Variants in TERF1 observed in about 807,000 individuals in gnomAD.
TERF1 encodes telomeric repeat-binding factor 1.
A neutral mutation model predicts 55.1 loss-of-function variants in TERF1; 20 were observed. That is an observed-to-expected ratio of 0.36 (90% CI 0.26 to 0.53). TERF1 has a LOEUF of 0.53. TERF1 is among the 20% of genes least tolerant of loss of function. TERF1 has a pLI of 0.91. For synonymous variants in TERF1, 168 were observed against 181.2 expected (o/e 0.93, Z 0.59); for missense variants, 439 against 535.7 (o/e 0.82, Z 1.78).
Position 73,009,341 on chromosome 8 carries a change from G to A in TERF1, c.319+136G>A, listed in dbSNP as rs1380618908. The A allele has an allele frequency of 9.9e-6, 8 of 804,516 alleles. No homozygotes were observed. The African/African-American group carries it at 1.1e-4, about 11-fold the overall frequency. The allele number at this position is 804,516 out of a possible 1,614,324, so 49.8% of individuals were successfully genotyped here. A position where few individuals can be genotyped will look rare whatever the true frequency, so the allele number is the denominator to read the frequency against. On this transcript the variant is annotated intron_variant, in intron 1 of 9. Transcript: ENST00000276603. ...CGATTAGCTGGGAGTCCGAGGCTCCGGGCTGAACTTTGTTCGAATCCCGGT... is the reference window on the plus strand; with the variant it reads ...CGATTAGCTGGGAGTCCGAGGCTCCAGGCTGAACTTTGTTCGAATCCCGGT...
At position 73,047,782 on chromosome 8, in the gene TERF1, A is replaced by G. The variant is rs1408502210; in HGVS notation, c.*1645A>G. The G allele has an allele frequency of 1.3e-5, 2 of 152,234 alleles. No homozygotes were observed. The allele number at this position is 152,234 out of a possible 1,614,324, so 9.4% of individuals were successfully genotyped here. A position where few individuals can be genotyped will look rare whatever the true frequency, so the allele number is the denominator to read the frequency against. Reference sequence around the variant, plus strand: ...TGACTCCTTTATCTTGTTACACCACAAGATACTGCACTATTTATTGGAGAT... The same window carrying G: ...TGACTCCTTTATCTTGTTACACCACGAGATACTGCACTATTTATTGGAGAT... On this transcript the variant is annotated 3_prime_UTR_variant, in exon 10 of 10. Coordinates refer to ENST00000276603, the MANE Select transcript of TERF1 (RefSeq NM_017489.3).
chr8:73,033,890 A>G (rs1809402662), intron 8 of TERF1, among the ~76,000 whole-genome samples: 1 of 151,836 alleles, frequency 6.6e-6, no homozygotes, highest in Admixed American at 6.6e-5. Flanking sequence ...GTACCCAGGT[A>G]CCCCCTCTTT....
intron 2 of TERF1, among the ~76,000 whole-genome samples, chr8:73,017,166 G>A (rs1808547058): frequency 6.6e-6 from 1 of 152,156 alleles, no homozygotes; most frequent in Admixed American, 6.5e-5. Flanking sequence ...AAGAAGGAAG[G>A]CAGATAAGTG....
intron 7 of TERF1, 111 bp from the exon 8 acceptor site, chr8:73,031,931 C>A (rs1809303285): frequency 1.5e-6 from 1 of 659,088 alleles, no homozygotes; most frequent in South Asian, 2.3e-5. Context: ...AGGAAGTAGG[C>A]CAAAGTATTA....
chr8:73,009,551 G>C, intron 1 of TERF1: 1 of 239,010 alleles, frequency 4.2e-6, no homozygotes, highest in Non-Finnish European at 8.2e-6. Context: ...ATATTCAGCA[G>C]TCCCTGTGGC....
chr8:73,024,590 T>C lies in TERF1; in HGVS notation c.625-232T>C, dbSNP rs148480299. On this transcript the variant is annotated intron_variant, in intron 4 of 9. Coordinates refer to ENST00000276603, the MANE Select transcript of TERF1 (RefSeq NM_017489.3). ...GGGTAATGGATACTCTGGTTTATAA[T>C]ACATATCTTTTTGAATCTGTCTAAA... Among the ~76,000 whole-genome samples, 454 of 152,318 alleles carry C rather than the reference T, an allele frequency of 3.0e-3. 3 individuals carry two copies. The highest frequency in any genetic ancestry group is 0.01 in the African/African-American group (431 of 41,558).
intron 9 of TERF1, among the ~76,000 whole-genome samples, chr8:73,039,891 T>C (rs943210336): frequency 6.6e-6 from 1 of 151,238 alleles, no homozygotes; most frequent in African/African-American, 2.4e-5. Context: ...GCTCGAGTGA[T>C]CCTCCCACCT....
intron 8 of TERF1, among the ~76,000 whole-genome samples, chr8:73,036,823 T>C (rs908571955): frequency 7.2e-6 from 1 of 138,958 alleles, no homozygotes; most frequent in Non-Finnish European, 1.6e-5. Context: ...TGTAGTTATA[T>C]ATAAATATAT....
chr8:73,023,352 A>G (rs1168400848), intron 4 of TERF1, among the ~76,000 whole-genome samples: 1 of 152,138 alleles, frequency 6.6e-6, no homozygotes, highest in Non-Finnish European at 1.5e-5. Flanking sequence ...GTTGGATTTT[A>G]ATTTGTTTCC....
At chr8:73,032,813 C>T (rs1157091985) in intron 8 of TERF1, among the ~76,000 whole-genome samples, 3 of 151,650 alleles carry the variant, frequency 2.0e-5, no homozygotes, top group Non-Finnish European at 4.4e-5. Flanking sequence ...GGTATGTAGT[C>T]ATTTAACAAA....
intron 9 of TERF1, chr8:73,043,326 T>G (rs1390561626): frequency 6.6e-6 from 1 of 152,142 alleles, no homozygotes; most frequent in East Asian, 1.9e-4. Context: ...GAAATAACAC[T>G]ATATCAAGCT....
At chr8:73,024,039 G>A (rs191991111) in intron 4 of TERF1, among the ~76,000 whole-genome samples, 51 of 152,250 alleles carry the variant, frequency 3.3e-4, no homozygotes, top group African/African-American at 9.9e-4. Context: ...AGTTGCTCTG[G>A]GATTGAGCCT....
chr8:73,044,289 G>C (rs1037026630), intron 9 of TERF1, among the ~76,000 whole-genome samples: 3 of 152,158 alleles, frequency 2.0e-5, no homozygotes, highest in Non-Finnish European at 4.4e-5. Flanking sequence ...GCAAAAGCAC[G>C]TACAGAAGAG....
At position 73,032,028 on chromosome 8, in the gene TERF1, C is replaced by G. The variant is rs760933836; in HGVS notation, c.948-14C>G. 1.0e-5 allele frequency: 16 copies of G among 1,592,414 alleles called. No individual in the cohort carries two copies. The African/African-American group carries it at 1.2e-4, about 12-fold the overall frequency. On this transcript the variant is annotated splice_polypyrimidine_tract_variant and intron_variant, in intron 7 of 9. Transcript: ENST00000276603. ...TTTCTGGAGCCAATTACAAACTTTC[C>G]TGTTTTATTTTAGGTCTCACAAGAA...
chr8:73,012,176 G>C (rs1184487789), intron 1 of TERF1: 1 of 152,138 alleles, frequency 6.6e-6, no homozygotes, highest in Non-Finnish European at 1.5e-5. Flanking sequence ...TAAGGGGAAG[G>C]GCTGGTCAGT....
intron 2 of TERF1, among the ~76,000 whole-genome samples, chr8:73,020,149 T>A (rs1051281216): frequency 3.9e-5 from 6 of 152,238 alleles, no homozygotes; most frequent in African/African-American, 4.8e-5. Context: ...ATGAAGGCTC[T>A]TGAATGTCCG....
chr8:73,033,805 C>CT (rs1363007829), intron 8 of TERF1, among the ~76,000 whole-genome samples: 1 of 152,170 alleles, frequency 6.6e-6, no homozygotes, highest in African/African-American at 2.4e-5. Flanking sequence ...TCTATAAGGT[C>CT]TTTGAGTTTT....
chr8:73,039,020 C>A, intron 8 of TERF1, 96 bp from the exon 9 acceptor site: 2 of 950,574 alleles, frequency 2.1e-6, no homozygotes, highest in South Asian at 2.0e-5. Context: ...CTTAGAATAG[C>A]TTAGAAAAGG....
intron 6 of TERF1, among the ~76,000 whole-genome samples, chr8:73,027,522 CTA>C (rs1359843876): frequency 1.3e-5 from 2 of 152,186 alleles, no homozygotes; most frequent in Non-Finnish European, 2.9e-5. Context: ...TGTGTCAGTC[CTA>C]TATATTGAGA....
Sources: allele counts gnomAD v4.1 joint callset (sites outside exome capture counted in the v4.1 genomes callset), GRCh38; gene constraint gnomAD v4.1.1; transcripts MANE v1.5; gene names NCBI Gene and HGNC (gene_info 2026-07-23, HGNC 2026-07-21).